AHNAK: variants seen among roughly 807,000 people sequenced by gnomAD.
The protein encoded by AHNAK is AHNAK nucleoprotein.
A neutral mutation model predicts 37.8 loss-of-function variants in AHNAK; 23 were observed. The ratio of observed to expected loss-of-function variants is 0.61; its 90% confidence interval spans 0.44 to 0.86. The LOEUF is 0.86. Ranked by LOEUF, AHNAK falls within the 40% of genes least tolerant of loss-of-function variation. The pLI is 0.00. For synonymous variants in AHNAK, 2,481 were observed against 2,636.3 expected, an observed-to-expected ratio of 0.94 and a Z score of 1.80; for missense variants, 7,411 against 7,319.4, an observed-to-expected ratio of 1.01 and a Z score of -0.46.
intron 4 of AHNAK, among the ~76,000 whole-genome samples, chr11:62,492,126 C>G (rs1297969227): frequency 1.3e-5 from 2 of 152,146 alleles, no homozygotes; most frequent in Admixed American, 6.6e-5. Context: ...ATCCACCCAC[C>G]AGACCCAGTC....
rs761478549 is a variant in AHNAK at position 62,530,727 on chromosome 11, T to G, written c.3690A>C (p.Glu1230Asp). ...CAATGTCCATTTTGGGTCCTTTGATTTCAACATCTGGCACTTTCATTTCAC... is the reference window on the plus strand; with the variant it reads ...CAATGTCCATTTTGGGTCCTTTGATGTCAACATCTGGCACTTTCATTTCAC... The part of the protein sequence containing the change: ...VEGEMKVPDV[E>D]IKGPKMDIDA... Residue 1230 changes from glutamate (E) to aspartate (D), a missense_variant, in exon 5 of 5, where the codon GAA becomes GAC. Coordinates refer to ENST00000378024, the MANE Select transcript of AHNAK (RefSeq NM_001620.3). The G allele has an allele frequency of 1.3e-5, 21 of 1,610,868 alleles. No homozygotes were observed. The highest frequency in any genetic ancestry group is 5.4e-5 in the African/African-American group (4 of 73,790).
chr11:62,462,864 C>T (rs1938821150), intron 5 of AHNAK, among the ~76,000 whole-genome samples: 1 of 152,140 alleles, frequency 6.6e-6, no homozygotes, highest in Non-Finnish European at 1.5e-5. Flanking sequence ...GGTGCGGTGG[C>T]TCACGCCTAT....
chr11:62,516,476 G>A lies in AHNAK; in HGVS notation c.*268C>T. On this transcript the variant is annotated 3_prime_UTR_variant, in exon 5 of 5. Transcript: ENST00000378024. ...TAAACAGGAGCTCTCAGCAGTCAAT[G>A]CAAAAAAATATATATATATGAAATC... The A allele has an allele frequency of 7.5e-7, 1 of 1,324,540 alleles. No homozygotes were observed. The highest frequency in any genetic ancestry group is 9.7e-7 in the Non-Finnish European group (1 of 1,034,668). The allele number at this position is 1,324,540 out of a possible 1,614,324, so 82.0% of individuals were successfully genotyped here.
chr11:62,470,005 T>C (rs566486076), intron 5 of AHNAK, among the ~76,000 whole-genome samples: 2 of 152,226 alleles, frequency 1.3e-5, no homozygotes, highest in Non-Finnish European at 2.9e-5. Flanking sequence ...GGCCCCTAGC[T>C]ATCAAAACCA....
At chr11:62,493,775 G>A (rs1387084581) in intron 4 of AHNAK, among the ~76,000 whole-genome samples, 1 of 151,900 alleles carries the variant, frequency 6.6e-6, no homozygotes, top group East Asian at 1.9e-4. Flanking sequence ...CGGGCCAAAT[G>A]GTGAAATTTC....
Position 62,509,596 on chromosome 11 carries a change from T to C in AHNAK, c.343-17765A>G, listed in dbSNP as rs184661053. Among the ~76,000 whole-genome samples the C allele has an allele frequency of 1.5e-3, 228 of 151,114 alleles. 1 individual carries two copies. The highest frequency in any genetic ancestry group is 2.6e-3 in the Non-Finnish European group (176 of 67,842). The stretch of plus-strand genomic sequence containing the variant: ...AAGAGACCAAGACAACTAAACATCA[T>C]GTGAGGTCATCAACAATTGAACCCC... On this transcript the variant is annotated intron_variant, in intron 4 of 5. Transcript: ENST00000257247.
intron 5 of AHNAK, among the ~76,000 whole-genome samples, chr11:62,456,141 A>G (rs1938653727): frequency 6.6e-6 from 1 of 152,194 alleles, no homozygotes; most frequent in Non-Finnish European, 1.5e-5. Flanking sequence ...CAGCATCTGC[A>G]AGCCGAGAGA....
chr11:62,522,634 C>A lies in AHNAK; in HGVS notation c.11783G>T (p.Trp3928Leu). Residue 3928 changes from tryptophan (W) to leucine (L), a missense_variant, in exon 5 of 5, where the codon TGG becomes TTG. By Grantham distance (61) the Trp-to-Leu change is moderately conservative. Transcript: ENST00000378024. ...APDVDVRGPD[W>L]HLKMPKIKMP... ...TTTTATCTTAGGCATCTTCAGGTGC[C>A]AGTCTGGGCCTCGAACATCCACATC... 1 of 1,612,846 alleles carries A rather than the reference C, an allele frequency of 6.2e-7. No individual in the cohort carries two copies. The highest frequency in any genetic ancestry group is 8.5e-7 in the Non-Finnish European group (1 of 1,179,796).
intron 5 of AHNAK, among the ~76,000 whole-genome samples, chr11:62,465,538 A>G (rs990011079): frequency 5.3e-5 from 8 of 152,184 alleles, no homozygotes; most frequent in Admixed American, 2.0e-4. Context: ...ACTTGAACCC[A>G]GGAGGCGGAG....
chr11:62,537,115 C>T (rs1300336509), intron 1 of AHNAK, among the ~76,000 whole-genome samples: 2 of 151,278 alleles, frequency 1.3e-5, no homozygotes, highest in South Asian at 2.1e-4. Flanking sequence ...CACCATGCAC[C>T]ACACCCGGCT....
In AHNAK at chr11:62,440,302, G is replaced by A. The variant is rs529730683; in HGVS notation, c.443-6411C>T. ...AGGGGGAGGGAGAGGATGTGTCAGA[G>A]CCGAAAATGTTAGGGAACAAGTGCC... is the stretch of plus-strand genomic sequence containing the variant. On this transcript the variant is annotated intron_variant, in intron 5 of 5. Transcript: ENST00000257247. Among the ~76,000 whole-genome samples the A allele has an allele frequency of 5.9e-5, 9 of 152,250 alleles. No homozygotes were observed. In the South Asian group the frequency reaches 1.7e-3, roughly 28 times the overall value.
Position 62,527,105 on chromosome 11 carries a change from C to A in AHNAK, c.7312G>T (p.Gly2438Cys). ...ATATCAGGCATCTTGAACTTAGGGC[C>A]TTTCAATTTGCCCTCTGGTCCCTCA... ...DIEGPEGKLK[G>C]PKFKMPDMHF... The change falls in exon 5 of 5, where the codon GGC (glycine) becomes TGC (cysteine). Residue 2438 changes from glycine to cysteine, a missense_variant. By Grantham distance (159) the Gly-to-Cys change is radical. Transcript: ENST00000378024. 1.2e-6 allele frequency: 2 copies of A among 1,614,126 alleles called. No individual in the cohort carries two copies. Among genetic ancestry groups the A allele is most frequent in the Non-Finnish European group, 8.5e-7 (1 of 1,180,036 alleles).
chr11:62,508,074 A>G (rs1242322356), intron 4 of AHNAK, among the ~76,000 whole-genome samples: 1 of 152,102 alleles, frequency 6.6e-6, no homozygotes, highest in Non-Finnish European at 1.5e-5. Context: ...CTCCCAAAGC[A>G]TTGGGATTAC....
Position 62,534,012 on chromosome 11 carries a change from C to A in AHNAK, c.405G>T (p.Ser135=). The part of the protein sequence containing the change: ...YTTKIKPRLK[S]EDGVEGDLGE... The stretch of plus-strand genomic sequence containing the variant: ...CGAGGTCTCCTTCCACTCCATCTTC[C>A]GACTTCAGCCGTGGCTTGATCTTCG... Residue 135 remains serine (S), a synonymous_variant, in exon 5 of 5, where the codon TCG becomes TCT. Coordinates refer to ENST00000378024, the MANE Select transcript of AHNAK (RefSeq NM_001620.3). The A allele has an allele frequency of 6.3e-7, 1 of 1,588,964 alleles. No homozygotes were observed. Among genetic ancestry groups the A allele is most frequent in the East Asian group, 2.2e-5 (1 of 44,678 alleles).
intron 5 of AHNAK, among the ~76,000 whole-genome samples, chr11:62,460,651 G>A (rs1835561262): frequency 6.6e-6 from 1 of 152,194 alleles, no homozygotes; most frequent in African/African-American, 2.4e-5. Flanking sequence ...TGACAGAAGA[G>A]AAGGAGAGCA....
In AHNAK at chr11:62,529,735, T is replaced by C; in HGVS notation, c.4682A>G (p.Lys1561Arg). Residue 1561 changes from lysine (K) to arginine (R), a missense_variant, in exon 5 of 5, where the codon AAA becomes AGA. Lys to Arg is a conservative substitution (Grantham distance 26, BLOSUM62 2). Transcript: ENST00000378024. ...PDVNLEAPEG[K>R]LKGPKFKMPS... ...CATCTTGAACTTAGGGCCTTTTAGTTTCCCCTCTGGAGCTTCAAGATTCAC... is the reference window on the plus strand; with the variant it reads ...CATCTTGAACTTAGGGCCTTTTAGTCTCCCCTCTGGAGCTTCAAGATTCAC... 6.2e-7 allele frequency: 1 copy of C among 1,614,070 alleles called. No individual in the cohort carries two copies. The highest frequency in any genetic ancestry group is 1.1e-5 in the South Asian group (1 of 91,042).
At chr11:62,443,741 G>A (rs948755851) in intron 5 of AHNAK, among the ~76,000 whole-genome samples, 2 of 152,200 alleles carry the variant, frequency 1.3e-5, no homozygotes, top group African/African-American at 4.8e-5. Context: ...CTTTATGCAT[G>A]TGGGTTTCTC....
At chr11:62,511,508 G>A (rs1032282214), downstream of AHNAK, among the ~76,000 whole-genome samples, 7 of 151,928 alleles carry the variant, frequency 4.6e-5, no homozygotes, top group African/African-American at 1.2e-4. Flanking sequence ...CACCCACCTC[G>A]ACCTCCCAAA....
chr11:62,433,996 C>G, intron 5 of AHNAK: 1 of 1,427,560 alleles, frequency 7.0e-7, no homozygotes, highest in Non-Finnish European at 9.6e-7. Flanking sequence ...AGAAGGTCCC[C>G]CCACTCCTTG....
Sources: gnomAD v4.1 joint callset for allele counts (sites outside exome capture counted in the v4.1 genomes callset) on GRCh38, gnomAD v4.1.1 for gene constraint, MANE v1.5 for transcripts, NCBI Gene and HGNC (gene_info 2026-07-23, HGNC 2026-07-21) for gene names.